The following WDPCP variants were observed in gnomAD, a reference collection of about 807,000 sequenced individuals.
WDPCP encodes WD repeat containing planar cell polarity effector.
In WDPCP, 71 loss-of-function variants were observed where a neutral mutation model predicts 93.1. That is an observed-to-expected ratio of 0.76 (90% CI 0.63 to 0.93). The LOEUF (loss-of-function observed/expected upper bound fraction) is 0.93, where lower values mean the gene tolerates loss of function less well. WDPCP is among the 40% of genes least tolerant of loss of function. The probability of loss-of-function intolerance (pLI) is 0.00; values close to 1 mark genes in which losing one functional copy is unlikely to be tolerated. For synonymous variants in WDPCP, 315 were observed against 315.0 expected, an observed-to-expected ratio of 1.00 and a Z score of 0.00; for missense variants, 844 against 887.4, an observed-to-expected ratio of 0.95 and a Z score of 0.62.
intron 12 of WDPCP, among the ~76,000 whole-genome samples, chr2:63,338,673 CAAATG>C (rs1272448026): frequency 1.4e-5 from 2 of 143,874 alleles, no homozygotes; most frequent in African/African-American, 5.0e-5. Context: ...GTCTGTATCG[CAAATG>C]ACTTGTCTAT....
chr2:63,137,754 G>A (rs1015580887), intron 17 of WDPCP, among the ~76,000 whole-genome samples: 31 of 152,140 alleles, frequency 2.0e-4, no homozygotes, highest in African/African-American at 7.0e-4. Flanking sequence ...AAGGGGTCCA[G>A]TTTCAATTTT....
In WDPCP at chr2:63,735,369, G is replaced by A. The variant is rs1275754251; in HGVS notation, n.308+78253C>T. 7.9e-5 allele frequency among the ~76,000 whole-genome samples: 12 copies of A among 152,218 alleles called. No homozygotes were observed. In the South Asian group the frequency reaches 2.3e-3, roughly 29 times the overall value. Reference sequence around the variant, plus strand: ...CAGGTAGAAAGAGGGAGCAAGAACCGGTGGGACAAAGGGACAAAATCAGAG... The same window carrying A: ...CAGGTAGAAAGAGGGAGCAAGAACCAGTGGGACAAAGGGACAAAATCAGAG... On this transcript the variant is annotated intron_variant and non_coding_transcript_variant, in intron 2 of 4. Coordinates refer to the WDPCP transcript ENST00000467687.
chr2:63,569,389 C>T (rs1179821787), intron 1 of WDPCP, among the ~76,000 whole-genome samples: 1 of 152,080 alleles, frequency 6.6e-6, no homozygotes, highest in African/African-American at 2.4e-5. Context: ...AGCTGGAGAG[C>T]AGATACATGT....
At chr2:63,134,510 A>ATC (rs2103620135) in intron 17 of WDPCP, among the ~76,000 whole-genome samples, 1 of 152,310 alleles carries the variant, frequency 6.6e-6, no homozygotes, top group East Asian at 1.9e-4. Flanking sequence ...ATGTACACAT[A>ATC]TTGTTTTCAT....
chr2:63,404,866 G>A (rs2105196879), intron 9 of WDPCP, among the ~76,000 whole-genome samples: 1 of 152,038 alleles, frequency 6.6e-6, no homozygotes, highest in Middle Eastern at 3.4e-3. Flanking sequence ...GTGAGATCCT[G>A]TCTTAAAAAA....
intron 3 of WDPCP, among the ~76,000 whole-genome samples, chr2:63,627,432 TC>T: frequency 6.6e-6 from 1 of 151,970 alleles, no homozygotes; most frequent in South Asian, 2.1e-4. Context: ...AAGGGCGGGG[TC>T]CCTTGCGAAG....
At chr2:63,708,216 C>T (rs1191219806) in intron 2 of WDPCP, among the ~76,000 whole-genome samples, 2 of 152,178 alleles carry the variant, frequency 1.3e-5, no homozygotes, top group African/African-American at 2.4e-5. Flanking sequence ...CTGTGCCCTG[C>T]CCCCAGAGGT....
chr2:63,291,512 G>A (rs1684416282), intron 13 of WDPCP, among the ~76,000 whole-genome samples: 1 of 152,252 alleles, frequency 6.6e-6, no homozygotes, highest in South Asian at 2.1e-4. Context: ...CTAGGGAAAT[G>A]AAAAACAAAG....
chr2:63,424,150 A>T (rs1487949561), intron 9 of WDPCP, among the ~76,000 whole-genome samples: 1 of 151,650 alleles, frequency 6.6e-6, no homozygotes, highest in Non-Finnish European at 1.5e-5. Context: ...GAGATCCCAC[A>T]ACCCCCATAC....
chr2:63,594,727 G>A (rs961292042), intron 3 of WDPCP: 3 of 629,046 alleles, frequency 4.8e-6, no homozygotes, highest in Non-Finnish European at 8.3e-6. Context: ...TGCTATAAAT[G>A]GAAGCTACTA....
intron 2 of WDPCP, among the ~76,000 whole-genome samples, chr2:63,807,162 A>T (rs1351886590): frequency 6.6e-6 from 1 of 152,198 alleles, no homozygotes; most frequent in Non-Finnish European, 1.5e-5. Flanking sequence ...TTCACAATCT[A>T]TGTTCTTCTG....
chr2:63,363,070 T>A lies in WDPCP; in HGVS notation c.1748+15316A>T, dbSNP rs976289089. On this transcript the variant is annotated intron_variant, in intron 12 of 17. Transcript: ENST00000272321. ...ACTTCCACTTATTTAGATTTTTTTT[T>A]AATATGGACAAAATAATTATTCTTG... Among the ~76,000 whole-genome samples, 156 of 152,164 alleles carry A rather than the reference T, an allele frequency of 1.0e-3. 2 individuals carry two copies. Among genetic ancestry groups the A allele is most frequent in the Non-Finnish European group, 5.7e-4 (39 of 68,012 alleles).
In WDPCP at chr2:63,802,281, T is replaced by TAAAAAAA. The variant is rs58717654; in HGVS notation, n.308+11334_308+11340dup. On this transcript the variant is annotated intron_variant and non_coding_transcript_variant, in intron 2 of 4. Coordinates refer to the WDPCP transcript ENST00000467687. Reference sequence around the variant, plus strand: ...GGCAACATTATGATACCCTCTCTCTTAAAAAAAAAAAAAAAAAAAAAAAAA... The same window carrying TAAAAAAA: ...GGCAACATTATGATACCCTCTCTCTTAAAAAAAAAAAAAAAAAAAAAAAAAAAAAAAA... 2.2e-3 allele frequency among the ~76,000 whole-genome samples: 121 copies of TAAAAAAA among 54,384 alleles called. 23 individuals carry two copies. Among genetic ancestry groups the TAAAAAAA allele is most frequent in the East Asian group, 0.012 (20 of 1,626 alleles). 35.7% of individuals were successfully genotyped at this position (54,384 alleles called of 152,430 possible). A position where few individuals can be genotyped will look rare whatever the true frequency, so the allele number is the denominator to read the frequency against.
chr2:63,425,544 C>T (rs1036917221), intron 9 of WDPCP, among the ~76,000 whole-genome samples: 4 of 152,192 alleles, frequency 2.6e-5, no homozygotes, highest in Non-Finnish European at 4.4e-5. Context: ...AACTAAACTT[C>T]TGAAACTGAA....
intron 2 of WDPCP, among the ~76,000 whole-genome samples, chr2:63,699,425 G>C (rs770808399): frequency 2.6e-5 from 4 of 152,152 alleles, no homozygotes; most frequent in Non-Finnish European, 4.4e-5. Context: ...TAACTAAAAA[G>C]AACTATGTGA....
chr2:63,832,370 T>C (rs751503110), upstream of WDPCP, among the ~76,000 whole-genome samples: 7 of 152,210 alleles, frequency 4.6e-5, no homozygotes, highest in African/African-American at 7.2e-5. Context: ...ACATTACTTC[T>C]GCTGTATTCT....
At chr2:63,649,781 G>A (rs924031529) in intron 3 of WDPCP, among the ~76,000 whole-genome samples, 1 of 152,192 alleles carries the variant, frequency 6.6e-6, no homozygotes, top group Non-Finnish European at 1.5e-5. Context: ...AGGGGGGCTT[G>A]TGGGGAGGGG....
At chr2:63,711,046 T>TCTTATCA (rs1187422847) in intron 2 of WDPCP, among the ~76,000 whole-genome samples, 2 of 152,094 alleles carry the variant, frequency 1.3e-5, no homozygotes, top group African/African-American at 2.4e-5. Flanking sequence ...AAACGCCAGG[T>TCTTATCA]AAAGAACCCC....
upstream of WDPCP, among the ~76,000 whole-genome samples, chr2:63,830,258 C>A (rs1354721004): frequency 1.3e-5 from 2 of 151,816 alleles, no homozygotes; most frequent in African/African-American, 4.8e-5. Flanking sequence ...CCTGAAATAC[C>A]TTTTTATTGC....
Sources: allele counts gnomAD v4.1 joint callset (sites outside exome capture counted in the v4.1 genomes callset), GRCh38; gene constraint gnomAD v4.1.1; transcripts MANE v1.5; gene names NCBI Gene and HGNC (gene_info 2026-07-23, HGNC 2026-07-21).